ANK3: variants seen among roughly 807,000 people sequenced by gnomAD.
The protein encoded by ANK3 is ankyrin-3.
A neutral mutation model predicts 370.9 loss-of-function variants in ANK3; 57 were observed. The ratio of observed to expected loss-of-function variants is 0.15; its 90% CI spans 0.12 to 0.19. The LOEUF is 0.19. ANK3 is among the 10% of genes least tolerant of loss of function. The probability of loss-of-function intolerance (pLI) is 1.00; values close to 1 mark genes in which losing one functional copy is unlikely to be tolerated. For missense variants in ANK3, 4,439 were observed against 5,302.1 expected (o/e 0.84, Z 5.06); for synonymous variants, 1,929 against 1,946.3 (o/e 0.99, Z 0.23).
intron 1 of ANK3, among the ~76,000 whole-genome samples, chr10:60,329,769 G>T (rs2050767505): frequency 1.3e-5 from 2 of 152,086 alleles, no homozygotes; most frequent in African/African-American, 2.4e-5. Flanking sequence ...TTTCCTCACA[G>T]AATTGGAAAA....
At chr10:60,544,117 A>C (rs1467860120) in intron 2 of ANK3, among the ~76,000 whole-genome samples, 1 of 152,140 alleles carries the variant, frequency 6.6e-6, no homozygotes, top group East Asian at 1.9e-4. Flanking sequence ...ATTTGTAGAA[A>C]GCAAAATGTA....
At chr10:60,459,953 C>G (rs1229572355) in intron 2 of ANK3, among the ~76,000 whole-genome samples, 1 of 152,120 alleles carries the variant, frequency 6.6e-6, no homozygotes, top group Non-Finnish European at 1.5e-5. Context: ...GCTTCAAAAG[C>G]AGAGTCGAGC....
At chr10:60,505,368 A>G (rs561662250) in intron 2 of ANK3, among the ~76,000 whole-genome samples, 1 of 152,198 alleles carries the variant, frequency 6.6e-6, no homozygotes, top group East Asian at 1.9e-4. Context: ...GCAGACTAAA[A>G]AAATTCACTC....
chr10:60,716,304 T>C (rs2079787379), intron 1 of ANK3, among the ~76,000 whole-genome samples: 1 of 152,098 alleles, frequency 6.6e-6, no homozygotes, highest in Non-Finnish European at 1.5e-5. Context: ...ATTGCTACAA[T>C]CAGAGTATTG....
chr10:60,601,171 A>AGGCACT (rs72246719), intron 2 of ANK3, among the ~76,000 whole-genome samples: 2 of 56,828 alleles, frequency 3.5e-5, no homozygotes, highest in South Asian at 1.1e-3. Flanking sequence ...CATTTATACA[A>AGGCACT]CGCACACACA....
At chr10:60,103,414 T>C (rs2091653127) in intron 28 of ANK3, among the ~76,000 whole-genome samples, 1 of 152,136 alleles carries the variant, frequency 6.6e-6, no homozygotes, top group South Asian at 2.1e-4. Flanking sequence ...GTGCTTATGC[T>C]TCTCTCTGAA....
intron 1 of ANK3, among the ~76,000 whole-genome samples, chr10:60,708,254 A>G (rs2079648228): frequency 1.3e-5 from 2 of 152,220 alleles, no homozygotes. Context: ...TGTAACAGGT[A>G]GACAATCCTG....
intron 9 of ANK3, among the ~76,000 whole-genome samples, chr10:60,213,124 C>G (rs1351206103): frequency 6.6e-6 from 1 of 152,020 alleles, no homozygotes; most frequent in Non-Finnish European, 1.5e-5. Context: ...CTTAACCTGA[C>G]AAGCAATTAT....
At chr10:60,631,288 G>T (rs2078480441) in intron 1 of ANK3, among the ~76,000 whole-genome samples, 1 of 151,998 alleles carries the variant, frequency 6.6e-6, no homozygotes, top group Non-Finnish European at 1.5e-5. Flanking sequence ...CAGCACTTTC[G>T]CAGGCCAAGG....
At chr10:60,288,090 A>T (rs1490131665) in intron 1 of ANK3, among the ~76,000 whole-genome samples, 2 of 152,140 alleles carry the variant, frequency 1.3e-5, no homozygotes, top group Non-Finnish European at 2.9e-5. Flanking sequence ...TTTATTCCTC[A>T]ACTGCCCCCT....
In ANK3 at chr10:60,068,659, C is replaced by T. The variant is rs772540398; in HGVS notation, c.12222G>A (p.Glu4074=). ...CACCAGTCCTTCTACTGCTCCTTTT[C>T]TCACTGCCGGCCTTTTCACTCTTTG... The part of the protein sequence containing the change: ...LKSKSEKAGS[E]KRSSRRTGPQ... Residue 4074 remains glutamate, a synonymous_variant, in exon 37 of 44, where the codon GAG becomes GAA. Coordinates refer to ENST00000280772, the MANE Select transcript of ANK3 (RefSeq NM_020987.5). 1 of 1,609,916 alleles carries T rather than the reference C, an allele frequency of 6.2e-7. No individual in the cohort carries two copies. Among genetic ancestry groups the T allele is most frequent in the Non-Finnish European group, 8.5e-7 (1 of 1,177,622 alleles).
intron 2 of ANK3, among the ~76,000 whole-genome samples, chr10:60,426,266 CTCTCCTT>C (rs1475248271): frequency 1.3e-5 from 2 of 152,002 alleles, no homozygotes; most frequent in African/African-American, 2.4e-5. Flanking sequence ...GATTGCTCCT[CTCTCCTT>C]TCTCCTTGTT....
chr10:60,295,190 A>T (rs2042242612), intron 1 of ANK3, among the ~76,000 whole-genome samples: 2 of 152,202 alleles, frequency 1.3e-5, no homozygotes, highest in Non-Finnish European at 2.9e-5. Context: ...TGGCAAGTCA[A>T]TGTAGTTTAG....
At chr10:60,437,113 T>C (rs2064178139) in intron 2 of ANK3, among the ~76,000 whole-genome samples, 2 of 152,194 alleles carry the variant, frequency 1.3e-5, no homozygotes, top group Admixed American at 1.3e-4. Flanking sequence ...TTTAGACCAC[T>C]TGTTTGGGCA....
chr10:60,481,072 G>A (rs2075201829), intron 2 of ANK3, among the ~76,000 whole-genome samples: 1 of 152,134 alleles, frequency 6.6e-6, no homozygotes, highest in Admixed American at 6.5e-5. Context: ...TGCATCTTGT[G>A]AATCTCTGAC....
At chr10:60,044,739 T>C (rs1158424903) in intron 42 of ANK3, 3 of 152,178 alleles carry the variant, frequency 2.0e-5, no homozygotes, top group Non-Finnish European at 4.4e-5. Flanking sequence ...TCTCTAGAGA[T>C]TTTTGTGGAT....
chr10:60,486,856 C>A (rs960394626), intron 2 of ANK3, among the ~76,000 whole-genome samples: 12 of 152,092 alleles, frequency 7.9e-5, no homozygotes, highest in African/African-American at 2.7e-4. Flanking sequence ...GTATATACAG[C>A]AATGCAATTT....
intron 7 of ANK3, among the ~76,000 whole-genome samples, chr10:60,247,371 G>GT (rs1363581735): frequency 1.3e-5 from 2 of 152,154 alleles, no homozygotes; most frequent in East Asian, 3.9e-4. Context: ...TTAAATTGTG[G>GT]TAAAATATAC....
At chr10:60,234,869 C>T in intron 7 of ANK3, 83 bp from the exon 8 acceptor site, 1 of 784,166 alleles carries the variant, frequency 1.3e-6, no homozygotes, top group Non-Finnish European at 2.2e-6. Flanking sequence ...CAACATATCC[C>T]CATTTCCCCC....
Sources: gnomAD v4.1 joint callset for allele counts (sites outside exome capture counted in the v4.1 genomes callset) on GRCh38, gnomAD v4.1.1 for gene constraint, MANE v1.5 for transcripts, NCBI Gene and HGNC (gene_info 2026-07-23, HGNC 2026-07-21) for gene names.